The following HDAC10 variants were observed in gnomAD, a reference collection of about 807,000 sequenced individuals.
The protein encoded by HDAC10 is polyamine deacetylase HDAC10.
In HDAC10, 90 loss-of-function variants were observed where a neutral mutation model predicts 82.3. That is an observed-to-expected ratio of 1.09 (90% CI 0.92 to 1.30). The LOEUF is 1.30. Ranked by LOEUF, HDAC10 falls within the 50% of genes most tolerant of loss-of-function variation. The pLI is 0.00. For missense variants in HDAC10, 934 were observed against 876.3 expected, an observed-to-expected ratio of 1.07 and a Z score of -0.83; for synonymous variants, 456 against 391.7, an observed-to-expected ratio of 1.16 and a Z score of -1.94.
rs202089914 is a variant in HDAC10, at chr22:50,245,544, C to G, written c.1987-14G>C. The G allele has an allele frequency of 9.9e-4, 1,104 of 1,120,558 alleles. 3 individuals carry two copies. The highest frequency in any genetic ancestry group is 3.7e-3 in the Middle Eastern group (19 of 5,094). 69.4% of individuals were successfully genotyped at this position (1,120,558 alleles called of 1,614,324 possible). ...GTGAGGATGGCACTACAGGAGGAGCCGAGAAGAGGCGCGCAGTTGGCCTCC... is the reference window on the plus strand; with the variant it reads ...GTGAGGATGGCACTACAGGAGGAGCGGAGAAGAGGCGCGCAGTTGGCCTCC... On this transcript the variant is annotated splice_polypyrimidine_tract_variant and intron_variant, in intron 19 of 19. Coordinates refer to ENST00000216271, the MANE Select transcript of HDAC10 (RefSeq NM_032019.6).
intron 3 of HDAC10, 48 bp downstream of exon 3, chr22:50,250,379 G>A (rs1569137269): frequency 6.4e-7 from 1 of 1,555,622 alleles, no homozygotes; most frequent in Non-Finnish European, 8.9e-7. Flanking sequence ...ACGCTCAAAG[G>A]CACGTGCATG....
chr22:50,250,601 A>G (rs909688), intron 2 of HDAC10, 78 bp from the exon 3 acceptor site: 965,632 of 1,336,998 alleles, frequency 0.72, 352,673 homozygotes, highest in South Asian at 0.89. Context: ...CCTGGGATTC[A>G]TGGTGGGAGT....
At chr22:50,246,445 G>T in intron 16 of HDAC10, 69 bp from the exon 17 acceptor site, 1 of 1,354,946 alleles carries the variant, frequency 7.4e-7, no homozygotes, top group Non-Finnish European at 1.0e-6. Context: ...CAGAGGCAGA[G>T]GTGGAAGAGC....
rs2065071069 is a variant in HDAC10 at position 50,250,751 on chromosome 22, G to A, written c.194+20C>T. ...GCTGCCCGCCCCGCCCCCCATCGTG[G>A]GGCCTGCCCCCGTCCTGACCTGTGC... On this transcript the variant is annotated intron_variant, in intron 2 of 19. Transcript: ENST00000216271. 6.4e-7 allele frequency: 1 copy of A among 1,554,132 alleles called. No homozygotes were observed. The highest frequency in any genetic ancestry group is 8.7e-7 in the Non-Finnish European group (1 of 1,151,934).
intron 16 of HDAC10, 71 bp from the exon 17 acceptor site, chr22:50,246,447 T>G: frequency 1.5e-6 from 2 of 1,337,412 alleles, no homozygotes; most frequent in South Asian, 1.2e-5. Context: ...GAGGCAGAGG[T>G]GGAAGAGCAT....
At chr22:50,246,834 G>C (rs747322434) in intron 15 of HDAC10, 41 bp downstream of exon 15, 6 of 1,594,640 alleles carry the variant, frequency 3.8e-6, no homozygotes, top group Admixed American at 1.7e-5. Flanking sequence ...GTGCCCACAG[G>C]TCCTGCCGTC....
In HDAC10 at chr22:50,246,751, G is replaced by T. The variant is rs376448873; in HGVS notation, c.1515-16C>A. On this transcript the variant is annotated splice_polypyrimidine_tract_variant and intron_variant, in intron 15 of 19. Coordinates refer to ENST00000216271, the MANE Select transcript of HDAC10 (RefSeq NM_032019.6). ...GCACAGCAGCCTGGAAGAAGAGCTG[G>T]CCTCAGGACAGGTGTTCATGTTGTC... 5.0e-5 allele frequency: 80 copies of T among 1,612,800 alleles called. No homozygotes were observed. The highest frequency in any genetic ancestry group is 6.4e-5 in the Non-Finnish European group (76 of 1,179,932).
rs144165433 is a variant in HDAC10 at position 50,245,668 on chromosome 22, G to A, written c.1986+7C>T. ...GGGCAGGGCCATGCCTCCGCAGTCAGCCTCACCTGCAACATCTTCCACTGA... is the reference window on the plus strand; with the variant it reads ...GGGCAGGGCCATGCCTCCGCAGTCAACCTCACCTGCAACATCTTCCACTGA... On this transcript the variant is annotated splice_region_variant and intron_variant, in intron 19 of 19. Coordinates refer to ENST00000216271, the MANE Select transcript of HDAC10 (RefSeq NM_032019.6). The A allele has an allele frequency of 7.7e-4, 1,241 of 1,613,010 alleles. 5 individuals carry two copies. In the African/African-American group the frequency reaches 0.014, roughly 19 times the overall value.
At position 50,249,196 on chromosome 22, in the gene HDAC10, G is replaced by T; in HGVS notation, c.691-28C>A. ...GGCAGGACATCCCAGGCTACATCCT[G>T]AACTGTGGGGCAGGGGAGGGGCCCG... On this transcript the variant is annotated intron_variant, in intron 7 of 19. Coordinates refer to ENST00000216271, the MANE Select transcript of HDAC10 (RefSeq NM_032019.6). The surrounding 1 kb of genome is among the most constrained non-coding windows in gnomAD (Gnocchi z 4.4). The T allele has an allele frequency of 2.3e-6, 3 of 1,301,534 alleles. No individual in the cohort carries two copies. The highest frequency in any genetic ancestry group is 3.2e-6 in the Non-Finnish European group (3 of 944,816). 80.6% of individuals were successfully genotyped at this position (1,301,534 alleles called of 1,614,324 possible).
Position 50,246,038 on chromosome 22 carries a change from C to T in HDAC10, c.1705G>A (p.Gly569Ser). Reference sequence around the variant, plus strand: ...ACCAGCACCAGGTCAGGCTGGAAGCCATAGGCCAGGGGCAGCACCAAGCCC... The same window carrying T: ...ACCAGCACCAGGTCAGGCTGGAAGCTATAGGCCAGGGGCAGCACCAAGCCC... Reference protein sequence around the residue: ...ILGLVLPLAYGFQPDLVLVAL... With the variant: ...ILGLVLPLAYSFQPDLVLVAL... Residue 569 changes from glycine (G) to serine (S), a missense_variant, in exon 18 of 20, where the codon GGC (glycine) becomes AGC (serine). By Grantham distance (56) the Gly-to-Ser change is moderately conservative (BLOSUM62 0). Coordinates refer to ENST00000216271, the MANE Select transcript of HDAC10 (RefSeq NM_032019.6). 1 of 1,612,782 alleles carries T rather than the reference C, an allele frequency of 6.2e-7. No homozygotes were observed. Among genetic ancestry groups the T allele is most frequent in the South Asian group, 1.1e-5 (1 of 91,038 alleles).
Position 50,248,782 on chromosome 22 carries a change from C to A in HDAC10, c.817-31G>T. The A allele has an allele frequency of 6.3e-7, 1 of 1,597,448 alleles. No homozygotes were observed. The highest frequency in any genetic ancestry group is 1.1e-5 in the South Asian group (1 of 88,772). ...ACCAGAGCCATGTGTGATGGGGGACCTGGGCCCCAGGACCCCAGAAGCCCT... is the reference window on the plus strand; with the variant it reads ...ACCAGAGCCATGTGTGATGGGGGACATGGGCCCCAGGACCCCAGAAGCCCT... On this transcript the variant is annotated intron_variant, in intron 9 of 19. Transcript: ENST00000216271. This position sits in a 1 kb window ranked among gnomAD's most constrained non-coding sequence, Gnocchi z 5.4.
chr22:50,246,973 G>T lies in HDAC10; in HGVS notation c.1423-7C>A, dbSNP rs202083627. 139 of 1,582,228 alleles carry T rather than the reference G, an allele frequency of 8.8e-5. No homozygotes were observed. The African/African-American group carries it at 1.6e-3, about 18-fold the overall frequency. On this transcript the variant is annotated splice_polypyrimidine_tract_variant and splice_region_variant and intron_variant, in intron 14 of 19. Coordinates refer to ENST00000216271, the MANE Select transcript of HDAC10 (RefSeq NM_032019.6). ...CTGCTATACCACTGTTCACCTGTGG[G>T]ATGAATAAACAGTGGAGAATGAGGC...
chr22:50,250,383 G>C, intron 3 of HDAC10, 44 bp downstream of exon 3: 1 of 1,569,456 alleles, frequency 6.4e-7, no homozygotes, highest in African/African-American at 1.3e-5. Context: ...TCAAAGGCAC[G>C]TGCATGTGTG....
rs1601623042 is a variant in HDAC10 at position 50,247,623 on chromosome 22, T to C, written c.1422+69A>G. 7 of 1,136,352 alleles carry C rather than the reference T, an allele frequency of 6.2e-6. No individual in the cohort carries two copies. The East Asian group carries it at 1.2e-4, about 19-fold the overall frequency. 70.4% of individuals were successfully genotyped at this position (1,136,352 alleles called of 1,614,324 possible). A position where few individuals can be genotyped will look rare whatever the true frequency, so the allele number is the denominator to read the frequency against. ...CCAGCCCTCCTCTGGACAGGCCACA[T>C]CTCGTTGGCAGGTCCTGGTCCCTGC... On this transcript the variant is annotated intron_variant, in intron 14 of 19. Transcript: ENST00000216271.
chr22:50,245,922 G>A lies in HDAC10; in HGVS notation c.1821C>T (p.Ala607=). 6.3e-7 allele frequency: 1 copy of A among 1,580,720 alleles called. No homozygotes were observed. ...CTGCCCAGCTTACCTCCTCCAGGAG[G>A]GCCAGGACTCGGCCCCCTGCCAGCC... The part of the protein sequence containing the change: ...LRGLAGGRVL[A]LLEENSTPQL... The change falls in exon 18 of 20, where the codon GCC becomes GCT. Residue 607 remains alanine (A), a synonymous_variant. Transcript: ENST00000216271.
chr22:50,249,085 A>G lies in HDAC10; in HGVS notation c.756+18T>C. On this transcript the variant is annotated intron_variant, in intron 8 of 19. Coordinates refer to ENST00000216271, the MANE Select transcript of HDAC10 (RefSeq NM_032019.6). The surrounding 1 kb of genome is among the most constrained non-coding windows in gnomAD (Gnocchi z 4.4). ...CCCTCCCACCCGGCTGCCCTGGGGG[A>G]GCCCTCCGTGCAGTCACCTCAAAGG... is the stretch of plus-strand genomic sequence containing the variant. The G allele has an allele frequency of 6.3e-7, 1 of 1,583,192 alleles. No individual in the cohort carries two copies. Among genetic ancestry groups the G allele is most frequent in the Non-Finnish European group, 8.6e-7 (1 of 1,163,738 alleles).
At chr22:50,247,355 ACTC>A (rs2064979576) in intron 14 of HDAC10, 2 of 315,596 alleles carry the variant, frequency 6.3e-6, no homozygotes, top group Non-Finnish European at 1.2e-5. Context: ...CTGGTCTTGA[ACTC>A]CTGGGCTCAA....
At chr22:50,247,136 AATT>A in intron 14 of HDAC10, 170 bp from the exon 15 acceptor site, 1 of 453,532 alleles carries the variant, frequency 2.2e-6, no homozygotes, top group South Asian at 4.0e-5. Flanking sequence ...TTACGTCTAT[AATT>A]TTTTTTTTTT....
rs1403509776 is a variant in HDAC10, at chr22:50,247,569, A to G, written c.1422+123T>C. On this transcript the variant is annotated intron_variant, in intron 14 of 19. Transcript: ENST00000216271. The stretch of plus-strand genomic sequence containing the variant: ...TGGGAACAGTTCCTGGCACAAGGCA[A>G]TGTTCACATCCATGTGGTTCTGCAC... 22 of 691,764 alleles carry G rather than the reference A, an allele frequency of 3.2e-5. No individual in the cohort carries two copies. In the East Asian group the frequency reaches 3.4e-4, roughly 11 times the overall value. The allele number at this position is 691,764 out of a possible 1,614,324, so 42.9% of individuals were successfully genotyped here.
Sources: gnomAD v4.1 joint callset for allele counts on GRCh38, gnomAD v4.1.1 for gene constraint, Gnocchi (gnomAD v3.1) non-coding constraint, MANE v1.5 for transcripts, NCBI Gene and HGNC (gene_info 2026-07-23, HGNC 2026-07-21) for gene names.